Variants in TTC28 observed in about 807,000 individuals in gnomAD.
TTC28 encodes the protein tetratricopeptide repeat protein 28.
A neutral mutation model predicts 198.0 loss-of-function variants in TTC28; 61 were observed. The ratio of observed to expected loss-of-function variants is 0.31; its 90% CI spans 0.25 to 0.38. TTC28 has a LOEUF of 0.38. Among genes scored for constraint, TTC28 ranks in the 10% least tolerant of loss-of-function variants. The pLI, the probability that TTC28 is intolerant of heterozygous loss-of-function variation, is 1.00. For missense variants in TTC28, 2,678 were observed against 3,164.0 expected, an observed-to-expected ratio of 0.85 and a Z score of 3.69; for synonymous variants, 1,171 against 1,297.8, an observed-to-expected ratio of 0.90 and a Z score of 2.10.
chr22:28,404,365 G>T (rs919268762), intron 2 of TTC28, among the ~76,000 whole-genome samples: 1 of 152,120 alleles, frequency 6.6e-6, no homozygotes, highest in Non-Finnish European at 1.5e-5. Flanking sequence ...TGATCCGCCC[G>T]CCTCGGCCTC....
At chr22:28,387,242 A>C (rs1375002792) in intron 2 of TTC28, among the ~76,000 whole-genome samples, 1 of 152,196 alleles carries the variant, frequency 6.6e-6, no homozygotes, top group Non-Finnish European at 1.5e-5. Flanking sequence ...CCAGTCTATC[A>C]TCGTTGGACA....
chr22:28,303,215 A>T (rs1254836015), intron 3 of TTC28, among the ~76,000 whole-genome samples: 2 of 152,238 alleles, frequency 1.3e-5, no homozygotes, highest in Non-Finnish European at 2.9e-5. Context: ...TAATAAATCC[A>T]TGGTTGGCAG....
At chr22:28,605,740 C>T (rs994566260) in intron 2 of TTC28, among the ~76,000 whole-genome samples, 7 of 152,030 alleles carry the variant, frequency 4.6e-5, no homozygotes, top group African/African-American at 1.7e-4. Context: ...TACTATGAAG[C>T]TGTTAAAAGT....
intron 5 of TTC28, among the ~76,000 whole-genome samples, chr22:28,183,125 C>T (rs1020435616): frequency 6.6e-6 from 1 of 151,374 alleles, no homozygotes; most frequent in Non-Finnish European, 1.5e-5. Context: ...GGGATGTAAT[C>T]ATAACTCACT....
intron 2 of TTC28, among the ~76,000 whole-genome samples, chr22:28,411,096 A>T (rs1169862652): frequency 6.6e-6 from 1 of 152,176 alleles, no homozygotes; most frequent in Middle Eastern, 3.2e-3. Context: ...CTCTTGCTAA[A>T]CAGGCAAAGT....
chr22:28,166,870 C>T (rs983500475), intron 5 of TTC28, among the ~76,000 whole-genome samples: 2 of 152,004 alleles, frequency 1.3e-5, no homozygotes, highest in Non-Finnish European at 2.9e-5. Context: ...TTCAAAACAT[C>T]AATGAATCCA....
chr22:28,336,902 T>G (rs1282008232), intron 2 of TTC28, among the ~76,000 whole-genome samples: 1 of 152,244 alleles, frequency 6.6e-6, no homozygotes, highest in Admixed American at 6.5e-5. Flanking sequence ...TGTTTGCTCT[T>G]GCTTCTCAAG....
chr22:28,090,908 C>T (rs937089676), intron 12 of TTC28, among the ~76,000 whole-genome samples: 75 of 152,226 alleles, frequency 4.9e-4, no homozygotes, highest in African/African-American at 1.7e-3. Flanking sequence ...AAACAAATCT[C>T]TAACAAGATT....
At chr22:28,059,544 A>AT (rs1235409556) in intron 12 of TTC28, among the ~76,000 whole-genome samples, 1 of 151,962 alleles carries the variant, frequency 6.6e-6, no homozygotes, top group African/African-American at 2.4e-5. Flanking sequence ...GGTCAAGGTG[A>AT]TTGGTGTTTT....
chr22:28,435,009 A>T (rs1362212333), intron 2 of TTC28, among the ~76,000 whole-genome samples: 1 of 152,206 alleles, frequency 6.6e-6, no homozygotes, highest in Non-Finnish European at 1.5e-5. Context: ...TGGCTTACTA[A>T]CCAGATATAA....
At chr22:28,194,627 A>G (rs1181237516) in intron 5 of TTC28, among the ~76,000 whole-genome samples, 22 of 151,972 alleles carry the variant, frequency 1.4e-4, no homozygotes, top group Admixed American at 1.4e-3. Context: ...ACAGAAATAC[A>G]AACTACCATC....
chr22:28,208,966 A>T (rs1926653867), intron 5 of TTC28, among the ~76,000 whole-genome samples: 1 of 152,180 alleles, frequency 6.6e-6, no homozygotes. Context: ...TGCCAGAGAC[A>T]ATTACTTGAA....
intron 1 of TTC28, among the ~76,000 whole-genome samples, chr22:28,648,794 G>C (rs1249354040): frequency 1.3e-5 from 2 of 152,118 alleles, no homozygotes; most frequent in East Asian, 3.9e-4. Flanking sequence ...CTGTAGTCCT[G>C]GCTAGTTGGG....
chr22:28,115,262 G>A (rs952467415), intron 6 of TTC28, among the ~76,000 whole-genome samples: 3 of 152,166 alleles, frequency 2.0e-5, no homozygotes, highest in African/African-American at 7.2e-5. Flanking sequence ...CCGGGCTCAA[G>A]TGATCCTCCC....
chr22:28,679,535 G>C (rs2052057563), intron 1 of TTC28, 87 bp downstream of exon 1: 2 of 861,772 alleles, frequency 2.3e-6, no homozygotes, highest in Non-Finnish European at 3.3e-6. Flanking sequence ...CCTCGCAGGC[G>C]CTCCTCTGCC....
chr22:28,221,148 A>G (rs1927821753), intron 5 of TTC28, among the ~76,000 whole-genome samples: 1 of 152,186 alleles, frequency 6.6e-6, no homozygotes, highest in Admixed American at 6.5e-5. Context: ...TATGGAAAGA[A>G]GAATACGGGC....
chr22:28,408,969 C>G (rs976633591), intron 2 of TTC28, among the ~76,000 whole-genome samples: 1 of 152,190 alleles, frequency 6.6e-6, no homozygotes, highest in Non-Finnish European at 1.5e-5. Context: ...AAACTTAAGG[C>G]TGAATCTCTT....
intron 5 of TTC28, among the ~76,000 whole-genome samples, chr22:28,166,582 T>G (rs1334002401): frequency 1.3e-5 from 2 of 152,128 alleles, no homozygotes; most frequent in African/African-American, 4.8e-5. Flanking sequence ...ACTGGGTACA[T>G]AACGAAATGA....
In TTC28 at chr22:28,679,673, G is replaced by T. The variant is rs556208173; in HGVS notation, c.51C>A (p.Pro17=). 1.3e-4 allele frequency: 179 copies of T among 1,378,468 alleles called. No homozygotes were observed. In the African/African-American group the frequency reaches 2.5e-3, roughly 19 times the overall value. 85.4% of individuals were successfully genotyped at this position (1,378,468 alleles called of 1,614,324 possible). A position where few individuals can be genotyped will look rare whatever the true frequency, so the allele number is the denominator to read the frequency against. The part of the protein sequence containing the change: ...PAPEPTQGPT[P]ARSRRRREPE... ...GCTCCCGCCGCCTTCGGCTCCTTGC[G>T]GGGGTCGGCCCTTGGGTCGGCTCGG... is the stretch of plus-strand genomic sequence containing the variant. Residue 17 remains proline (P), a synonymous_variant, in exon 1 of 23, where the codon CCC becomes CCA. Transcript: ENST00000397906.
Sources: allele counts gnomAD v4.1 joint callset (sites outside exome capture counted in the v4.1 genomes callset), GRCh38; gene constraint gnomAD v4.1.1; transcripts MANE v1.5; gene names NCBI Gene and HGNC (gene_info 2026-07-23, HGNC 2026-07-21).